Variants in CDKAL1 observed in about 807,000 individuals in gnomAD.
CDKAL1 encodes threonylcarbamoyladenosine tRNA methylthiotransferase.
A neutral mutation model predicts 68.2 loss-of-function variants in CDKAL1; 32 were observed. That is an observed-to-expected ratio of 0.47 (90% CI 0.35 to 0.63). The LOEUF (loss-of-function observed/expected upper bound fraction) is 0.63, where lower values mean the gene tolerates loss of function less well. Ranked by LOEUF, CDKAL1 falls within the 30% of genes least tolerant of loss-of-function variation. The probability of loss-of-function intolerance (pLI) is 0.00; values close to 1 mark genes in which losing one functional copy is unlikely to be tolerated. For missense variants in CDKAL1, 606 were observed against 696.7 expected, an observed-to-expected ratio of 0.87 and a Z score of 1.47; for synonymous variants, 234 against 244.3, an observed-to-expected ratio of 0.96 and a Z score of 0.39.
chr6:20,848,283 T>TTTTTTTTTTTGTTTG (rs1758788945), intron 9 of CDKAL1, among the ~76,000 whole-genome samples: 1 of 132,656 alleles, frequency 7.5e-6, no homozygotes, highest in Non-Finnish European at 1.6e-5. Flanking sequence ...AAAGTTGTTT[T>TTTTTTTTTTTGTTTG]TTTTTTTTTT....
intron 9 of CDKAL1, among the ~76,000 whole-genome samples, chr6:20,913,220 G>A (rs911069137): frequency 6.6e-6 from 1 of 151,846 alleles, no homozygotes; most frequent in Non-Finnish European, 1.5e-5. Context: ...CTCTGTGGGA[G>A]TCTGGCATAG....
At chr6:20,774,347 G>A (rs539491888) in intron 7 of CDKAL1, among the ~76,000 whole-genome samples, 12 of 152,310 alleles carry the variant, frequency 7.9e-5, no homozygotes, top group Non-Finnish European at 1.6e-4. Context: ...TTTGTGTGTA[G>A]GAGCGTAATT....
At chr6:20,711,569 GA>G (rs1771849149) in intron 5 of CDKAL1, among the ~76,000 whole-genome samples, 1 of 152,164 alleles carries the variant, frequency 6.6e-6, no homozygotes, top group Non-Finnish European at 1.5e-5. Context: ...ACATTTTGAT[GA>G]AAGAAAGTTT....
chr6:21,134,528 A>G (rs553474962), intron 13 of CDKAL1, among the ~76,000 whole-genome samples: 14 of 152,226 alleles, frequency 9.2e-5, no homozygotes, highest in Non-Finnish European at 1.9e-4. Context: ...GTTTTAATGA[A>G]TTATACTATT....
chr6:20,546,895 C>T (rs923075357), intron 3 of CDKAL1, among the ~76,000 whole-genome samples: 4 of 152,088 alleles, frequency 2.6e-5, no homozygotes, highest in African/African-American at 9.7e-5. Context: ...GCTGACGCTA[C>T]TGGTCTGTGT....
At chr6:20,580,390 G>A (rs745420887) in intron 4 of CDKAL1, among the ~76,000 whole-genome samples, 2 of 152,130 alleles carry the variant, frequency 1.3e-5, no homozygotes, top group Non-Finnish European at 2.9e-5. Flanking sequence ...TTTGGTGAGT[G>A]AGTGAACCTA....
At chr6:20,858,714 T>G (rs1439309353) in intron 9 of CDKAL1, among the ~76,000 whole-genome samples, 2 of 152,132 alleles carry the variant, frequency 1.3e-5, no homozygotes, top group Admixed American at 1.3e-4. Context: ...CATGATGGAG[T>G]GTTATAAAAT....
intron 4 of CDKAL1, among the ~76,000 whole-genome samples, chr6:20,549,448 A>G (rs1763729589): frequency 6.6e-6 from 1 of 152,088 alleles, no homozygotes; most frequent in Non-Finnish European, 1.5e-5. Flanking sequence ...CATTACAACT[A>G]ATAAACATCC....
intron 5 of CDKAL1, among the ~76,000 whole-genome samples, chr6:20,721,911 T>G (rs575891341): frequency 5.9e-5 from 9 of 152,122 alleles, no homozygotes; most frequent in Admixed American, 4.6e-4. Flanking sequence ...TTTTGCATTT[T>G]TAGTAGAGAT....
chr6:20,930,652 T>G (rs796407952), intron 9 of CDKAL1, among the ~76,000 whole-genome samples: 2 of 152,308 alleles, frequency 1.3e-5, no homozygotes, highest in African/African-American at 4.8e-5. Context: ...CTAGGATTTG[T>G]TTTTTACCAA....
intron 8 of CDKAL1, among the ~76,000 whole-genome samples, chr6:20,798,367 T>C (rs1451273211): frequency 6.6e-6 from 1 of 152,158 alleles, no homozygotes; most frequent in Non-Finnish European, 1.5e-5. Context: ...TTATGTCAGT[T>C]TTAAAAAAAT....
At chr6:20,786,091 G>T (rs574591966) in intron 8 of CDKAL1, among the ~76,000 whole-genome samples, 1 of 152,164 alleles carries the variant, frequency 6.6e-6, no homozygotes, top group South Asian at 2.1e-4. Context: ...TGTGGTGGTT[G>T]GTGCGTGCCT....
At chr6:20,976,435 G>T (rs193196216) in intron 10 of CDKAL1, among the ~76,000 whole-genome samples, 164 of 152,272 alleles carry the variant, frequency 1.1e-3, no homozygotes, top group African/African-American at 3.9e-3. Flanking sequence ...CATTTATGAT[G>T]ACTGGACCGT....
intron 8 of CDKAL1, among the ~76,000 whole-genome samples, chr6:20,798,202 T>G (rs893045096): frequency 2.0e-5 from 3 of 152,096 alleles, no homozygotes; most frequent in East Asian, 1.9e-4. Flanking sequence ...GGTTAGAGAT[T>G]GGGAGGTGAG....
At chr6:20,664,735 G>A (rs1388546566) in intron 5 of CDKAL1, among the ~76,000 whole-genome samples, 2 of 152,094 alleles carry the variant, frequency 1.3e-5, no homozygotes, top group Non-Finnish European at 2.9e-5. Flanking sequence ...TATTCATTGA[G>A]CAAATTCTAA....
At chr6:20,676,139 C>T (rs1033337535) in intron 5 of CDKAL1, among the ~76,000 whole-genome samples, 1 of 151,764 alleles carries the variant, frequency 6.6e-6, no homozygotes, top group African/African-American at 2.4e-5. Context: ...TGAGTCAAAA[C>T]GTTAAAAAGA....
chr6:20,617,353 T>G lies in CDKAL1; in HGVS notation c.287-31940T>G, dbSNP rs117779648. ...AATAAAATTGTGATCAGTGGTTAAG[T>G]ATAGCCAAATGTATGGATAGGACCT... On this transcript the variant is annotated intron_variant, in intron 4 of 15. Transcript: ENST00000274695. Among the ~76,000 whole-genome samples the G allele has an allele frequency of 1.1e-3, 160 of 152,324 alleles. 1 individual carries two copies. The East Asian group carries it at 0.028, about 27-fold the overall frequency.
chr6:20,574,497 G>C (rs1359928095), intron 4 of CDKAL1, among the ~76,000 whole-genome samples: 3 of 152,146 alleles, frequency 2.0e-5, no homozygotes, highest in Admixed American at 6.6e-5. Context: ...ACTTACTTTA[G>C]AGGACTGTTT....
chr6:21,230,178 T>C (rs1779901887), intron 15 of CDKAL1, among the ~76,000 whole-genome samples: 1 of 152,206 alleles, frequency 6.6e-6, no homozygotes, highest in African/African-American at 2.4e-5. Flanking sequence ...TTGTTTGTTT[T>C]TGAGACAGGG....
Sources: gnomAD v4.1 joint callset for allele counts (sites outside exome capture counted in the v4.1 genomes callset) on GRCh38, gnomAD v4.1.1 for gene constraint, MANE v1.5 for transcripts, NCBI Gene and HGNC (gene_info 2026-07-23, HGNC 2026-07-21) for gene names.